DGKB: variants seen among roughly 807,000 people sequenced by gnomAD.
DGKB encodes the protein diacylglycerol kinase beta, also known as 90 kDa diacylglycerol kinase.
A neutral mutation model predicts 114.3 loss-of-function variants in DGKB; 67 were observed. The ratio of observed to expected loss-of-function variants is 0.59; its 90% CI spans 0.48 to 0.72. The LOEUF (loss-of-function observed/expected upper bound fraction) is 0.72, where lower values mean the gene tolerates loss of function less well. Among genes scored for constraint, DGKB ranks in the 30% least tolerant of loss-of-function variants. The pLI is 0.00. For missense variants in DGKB, 907 were observed against 975.2 expected, an observed-to-expected ratio of 0.93 and a Z score of 0.93; for synonymous variants, 398 against 323.1, an observed-to-expected ratio of 1.23 and a Z score of -2.49.
chr7:14,472,033 C>A (rs529400459), intron 21 of DGKB, among the ~76,000 whole-genome samples: 1 of 152,132 alleles, frequency 6.6e-6, no homozygotes, highest in Admixed American at 6.6e-5. Flanking sequence ...TTATTGTGAT[C>A]GCTGGCCATA....
intron 13 of DGKB, among the ~76,000 whole-genome samples, chr7:14,671,237 A>G (rs1298957751): frequency 6.6e-6 from 1 of 152,142 alleles, no homozygotes; most frequent in East Asian, 1.9e-4. Context: ...TTGTGAACCC[A>G]GGAAAGATAC....
rs1789566560 is a variant in DGKB at position 14,520,385 on chromosome 7, C to T, written c.1771-42160G>A. Among the ~76,000 whole-genome samples the T allele has an allele frequency of 4.6e-5, 7 of 151,188 alleles. No homozygotes were observed. In the South Asian group the frequency reaches 1.5e-3, roughly 31 times the overall value. ...TTCCTTCTGCTTTAGATTTAGTTTG[C>T]TTTTCTTTTTATGATTTTTAAGGTA... is the stretch of plus-strand genomic sequence containing the variant. On this transcript the variant is annotated intron_variant, in intron 20 of 25. Transcript: ENST00000402815.
chr7:14,740,162 A>G (rs1388434295), intron 4 of DGKB, among the ~76,000 whole-genome samples: 2 of 151,730 alleles, frequency 1.3e-5, no homozygotes, highest in African/African-American at 4.8e-5. Context: ...CAGTGGGACA[A>G]CAATTAAGTT....
At chr7:14,634,407 T>A (rs565388861) in intron 13 of DGKB, among the ~76,000 whole-genome samples, 2 of 151,222 alleles carry the variant, frequency 1.3e-5, no homozygotes, top group East Asian at 1.9e-4. Context: ...TTTTAAGTGG[T>A]TTGGAAATAA....
intron 23 of DGKB, among the ~76,000 whole-genome samples, chr7:14,216,819 G>C (rs1406967262): frequency 6.6e-6 from 1 of 150,998 alleles, no homozygotes; most frequent in African/African-American, 2.4e-5. Flanking sequence ...AGGTGTGTGT[G>C]TTCTTAAAAT....
chr7:14,399,484 A>G (rs1822759765), intron 21 of DGKB, among the ~76,000 whole-genome samples: 1 of 151,714 alleles, frequency 6.6e-6, no homozygotes, highest in Non-Finnish European at 1.5e-5. Flanking sequence ...AACAATACTT[A>G]CAAAGCCATT....
rs191883261 is a variant in DGKB, at chr7:14,232,303, C to G, written c.2123-54152G>C. ...TTCAATATTTTGGTGTTTTAGAATCCATATGTCTTTTTAGGCAAAAGGCTG... is the reference window on the plus strand; with the variant it reads ...TTCAATATTTTGGTGTTTTAGAATCGATATGTCTTTTTAGGCAAAAGGCTG... On this transcript the variant is annotated intron_variant, in intron 23 of 25. Transcript: ENST00000402815. Among the ~76,000 whole-genome samples, 445 of 151,062 alleles carry G rather than the reference C, an allele frequency of 2.9e-3. 3 individuals are homozygous for G. The highest frequency in any genetic ancestry group is 0.01 in the African/African-American group (420 of 41,126).
chr7:14,865,132 A>G (rs1587003451), intron 1 of DGKB, among the ~76,000 whole-genome samples: 1 of 152,184 alleles, frequency 6.6e-6, no homozygotes, highest in Non-Finnish European at 1.5e-5. Flanking sequence ...GTAAATGTTA[A>G]TTCCATTAAT....
intron 21 of DGKB, among the ~76,000 whole-genome samples, chr7:14,456,607 T>C (rs1179281955): frequency 6.6e-6 from 1 of 152,096 alleles, no homozygotes; most frequent in Non-Finnish European, 1.5e-5. Context: ...GTTAATCACT[T>C]CTTACATTAT....
chr7:14,705,267 A>C (rs1207249088), intron 6 of DGKB, among the ~76,000 whole-genome samples: 2 of 151,054 alleles, frequency 1.3e-5, no homozygotes, highest in Admixed American at 1.3e-4. Context: ...AAGTTTAGAG[A>C]AAAAAGAATA....
At chr7:14,164,279 G>A (rs1784331463) in intron 25 of DGKB, among the ~76,000 whole-genome samples, 1 of 152,074 alleles carries the variant, frequency 6.6e-6, no homozygotes, top group Non-Finnish European at 1.5e-5. Context: ...AGCCATTAGA[G>A]CAACTTAAGA....
At chr7:14,379,180 A>G (rs763759396) in intron 21 of DGKB, among the ~76,000 whole-genome samples, 4 of 151,994 alleles carry the variant, frequency 2.6e-5, no homozygotes, top group South Asian at 2.1e-4. Context: ...AATGGAATTC[A>G]TTTCTCTGGC....
At chr7:14,462,852 C>A (rs1282987435) in intron 21 of DGKB, among the ~76,000 whole-genome samples, 2 of 152,106 alleles carry the variant, frequency 1.3e-5, no homozygotes, top group African/African-American at 4.8e-5. Context: ...TATGACAAGG[C>A]TACAGTAACC....
intron 21 of DGKB, among the ~76,000 whole-genome samples, chr7:14,435,571 T>C (rs533983524): frequency 2.0e-5 from 3 of 152,214 alleles, no homozygotes; most frequent in African/African-American, 7.2e-5. Context: ...AATGTTATTA[T>C]TTTTACTACA....
At chr7:14,371,706 T>C (rs1387244887) in intron 21 of DGKB, among the ~76,000 whole-genome samples, 1 of 152,182 alleles carries the variant, frequency 6.6e-6, no homozygotes, top group Non-Finnish European at 1.5e-5. Context: ...ATTTTTGCTT[T>C]TGTTGCCATC....
chr7:14,199,902 C>G (rs149391043), intron 23 of DGKB, among the ~76,000 whole-genome samples: 3 of 152,000 alleles, frequency 2.0e-5, no homozygotes, highest in Middle Eastern at 3.4e-3. Context: ...ATTATGAAAA[C>G]AAGGATCAAA....
chr7:14,234,533 T>C (rs1792460296), intron 23 of DGKB, among the ~76,000 whole-genome samples: 1 of 152,058 alleles, frequency 6.6e-6, no homozygotes, highest in African/African-American at 2.4e-5. Context: ...GCCAAATAAA[T>C]TGCAAGGAAT....
chr7:14,553,973 C>T (rs552096411), intron 20 of DGKB, among the ~76,000 whole-genome samples: 14 of 142,328 alleles, frequency 9.8e-5, no homozygotes, highest in African/African-American at 2.3e-4. Context: ...CCCGGGTTCA[C>T]GCCATTCTCC....
chr7:14,221,810 T>C (rs1313173331), intron 23 of DGKB, among the ~76,000 whole-genome samples: 6 of 151,492 alleles, frequency 4.0e-5, no homozygotes, highest in Non-Finnish European at 8.9e-5. Context: ...TCTTTGTGGG[T>C]AGATTTTGAT....
Sources: allele counts gnomAD v4.1 joint callset (sites outside exome capture counted in the v4.1 genomes callset), GRCh38; gene constraint gnomAD v4.1.1; transcripts MANE v1.5; gene names NCBI Gene and HGNC (gene_info 2026-07-23, HGNC 2026-07-21).